Variants in SPINK5 observed in about 807,000 individuals in gnomAD.
SPINK5 encodes serine peptidase inhibitor Kazal type 5, also known as serine protease inhibitor Kazal-type 5.
SPINK5 carries 125 observed loss-of-function variants against 151.8 expected under a neutral mutation model. That is an observed-to-expected ratio of 0.82 (90% confidence interval 0.71 to 0.96). SPINK5 has a LOEUF of 0.96. Among genes scored for constraint, SPINK5 ranks in the 40% least tolerant of loss-of-function variants. The pLI is 0.00. For synonymous variants in SPINK5, 374 were observed against 395.3 expected, an observed-to-expected ratio of 0.95 and a Z score of 0.64; for missense variants, 1,194 against 1,291.9, an observed-to-expected ratio of 0.92 and a Z score of 1.16.
chr5:148,115,379 A>G (rs1224455922), intron 21 of SPINK5, among the ~76,000 whole-genome samples: 2 of 152,232 alleles, frequency 1.3e-5, no homozygotes, highest in Admixed American at 1.3e-4. Flanking sequence ...TTGTTCAGAT[A>G]GGACAGTAAG....
At position 148,125,734 on chromosome 5, in the gene SPINK5, T is replaced by A. The variant is rs760194387; in HGVS notation, c.2751T>A (p.Ser917Arg). The change falls in exon 29 of 33, where the codon AGT becomes AGA. Residue 917 changes from serine to arginine, a missense_variant. Coordinates refer to ENST00000256084, the MANE Select transcript of SPINK5 (RefSeq NM_006846.4). Reference sequence around the variant, plus strand: ...TTCTCATTTTCTAGGATGAGTGCAGTGAATTTCGAAACTATATAAGGAACA... The same window carrying A: ...TTCTCATTTTCTAGGATGAGTGCAGAGAATTTCGAAACTATATAAGGAACA... ...KPSNNAKDEC[S>R]EFRNYIRNNE... 1.2e-6 allele frequency: 2 copies of A among 1,614,136 alleles called. No homozygotes were observed. Among genetic ancestry groups the A allele is most frequent in the Admixed American group, 3.3e-5 (2 of 60,012 alleles).
chr5:148,111,735 A>G (rs752532374), intron 18 of SPINK5, 33 bp from the exon 19 acceptor site: 9 of 1,613,530 alleles, frequency 5.6e-6, no homozygotes, highest in Non-Finnish European at 7.6e-6. Context: ...TAGTTATTGG[A>G]CTCTTAAAAC....
chr5:148,064,919 G>A lies in SPINK5; in HGVS notation c.56-428G>A, dbSNP rs542727831. 3.9e-5 allele frequency among the ~76,000 whole-genome samples: 6 copies of A among 152,102 alleles called. No homozygotes were observed. The East Asian group carries it at 9.7e-4, about 24-fold the overall frequency. On this transcript the variant is annotated intron_variant, in intron 1 of 32. Transcript: ENST00000256084. ...CAGAATTCAGAAAATTAAATTTTAT[G>A]TATATATCCTATAAATGTAATGCTA...
chr5:148,088,427 T>G (rs1561681525), intron 5 of SPINK5, 115 bp from the exon 6 acceptor site: 3 of 838,602 alleles, frequency 3.6e-6, no homozygotes, highest in Non-Finnish European at 6.1e-6. Flanking sequence ...TAATACTATG[T>G]GGCAGCTGTT....
intron 22 of SPINK5, 34 bp downstream of exon 22, chr5:148,116,500 G>C (rs750211005): frequency 1.2e-6 from 2 of 1,601,248 alleles, no homozygotes; most frequent in African/African-American, 1.3e-5. Flanking sequence ...TAACTGGGGC[G>C]GGCTCAACTC....
At chr5:148,086,677 A>T (rs1753164531) in intron 5 of SPINK5, 145 bp downstream of exon 5, 1 of 1,020,654 alleles carries the variant, frequency 9.8e-7, no homozygotes, top group Admixed American at 2.4e-5. Context: ...TTCTTTTACT[A>T]CTCTTAAGAC....
rs1056880732 is a variant in SPINK5, at chr5:148,125,389, T to A, written c.2740-334T>A. The A allele has an allele frequency of 6.5e-6, 5 of 774,370 alleles. No individual in the cohort carries two copies. The African/African-American group carries it at 8.6e-5, about 13-fold the overall frequency. The allele number at this position is 774,370 out of a possible 1,614,324, so 48.0% of individuals were successfully genotyped here. A position where few individuals can be genotyped will look rare whatever the true frequency, so the allele number is the denominator to read the frequency against. ...AACAGTAACAATCACATTTGTAGAG[T>A]TAGATCCCTGAGCAATTGTCCTTTT... On this transcript the variant is annotated intron_variant, in intron 28 of 32. Transcript: ENST00000256084.
chr5:148,100,382 T>G, intron 12 of SPINK5, 72 bp from the exon 13 acceptor site: 1 of 1,480,798 alleles, frequency 6.8e-7, no homozygotes, highest in Non-Finnish European at 9.4e-7. Flanking sequence ...TTTCTGCCAA[T>G]GTAGATGTTT....
intron 4 of SPINK5, among the ~76,000 whole-genome samples, chr5:148,085,058 A>C (rs1223617074): frequency 1.3e-5 from 2 of 151,804 alleles, no homozygotes; most frequent in Non-Finnish European, 2.9e-5. Context: ...ATATGTAATA[A>C]ATTTTGTGGA....
Position 148,119,010 on chromosome 5 carries a change from T to C in SPINK5, c.2265T>C (p.Asn755=), listed in dbSNP as rs780560806. Residue 755 remains asparagine (N), a synonymous_variant, in exon 24 of 33, where the codon AAT becomes AAC. Coordinates refer to ENST00000256084, the MANE Select transcript of SPINK5 (RefSeq NM_006846.4). ...GGGAAAGAGAAGCAGAGAGAAAAAA[T>C]GAGTATTCTCGCTCCAGATCAAATG... ...AKLEREAERK[N]EYSRSRSNGT... is the part of the protein sequence containing the mutation. 40 of 1,613,806 alleles carry C rather than the reference T, an allele frequency of 2.5e-5. No individual in the cohort carries two copies. In the South Asian group the frequency reaches 4.2e-4, roughly 17 times the overall value.
At chr5:148,083,700 ATTGC>A (rs138516087) in intron 4 of SPINK5, among the ~76,000 whole-genome samples, 2,328 of 151,464 alleles carry the variant, frequency 0.015, 50 homozygotes, top group African/African-American at 0.054. Context: ...TAAAATTCTT[ATTGC>A]TTTTCTCTTT....
chr5:148,100,347 T>G (rs1368141582), intron 12 of SPINK5, 107 bp from the exon 13 acceptor site: 5 of 1,211,576 alleles, frequency 4.1e-6, no homozygotes, highest in Non-Finnish European at 6.0e-6. Context: ...ATTAAAATCC[T>G]CAGCTCAAAG....
chr5:148,120,612 T>C (rs1754231755), intron 26 of SPINK5, among the ~76,000 whole-genome samples: 1 of 152,116 alleles, frequency 6.6e-6, no homozygotes, highest in Non-Finnish European at 1.5e-5. Context: ...TGTCAAATTA[T>C]TGTAGTTAGC....
chr5:148,129,004 G>T (rs1434535743), intron 30 of SPINK5, among the ~76,000 whole-genome samples: 1 of 152,136 alleles, frequency 6.6e-6, no homozygotes, highest in Non-Finnish European at 1.5e-5. Context: ...AGATGGGGAG[G>T]GGAGGGGATA....
rs1424120678 is a variant in SPINK5, at chr5:148,120,097, A to G, written c.2402A>G (p.Lys801Arg). Residue 801 changes from lysine (K) to arginine (R), a missense_variant, in exon 25 of 33, where the codon AAG (lysine) becomes AGG (arginine). Lys to Arg is a conservative substitution (Grantham distance 26). Transcript: ENST00000256084. ...ESDPVRGPDGKTHGNKCTMCK... is the reference protein window; with the variant it reads ...ESDPVRGPDGRTHGNKCTMCK... Reference sequence around the variant, plus strand: ...GACCCTGTCCGGGGTCCAGATGGCAAGACACATGGCAATAAGTGTACTATG... The same window carrying G: ...GACCCTGTCCGGGGTCCAGATGGCAGGACACATGGCAATAAGTGTACTATG... 4 of 1,614,016 alleles carry G rather than the reference A, an allele frequency of 2.5e-6. No individual in the cohort carries two copies. The highest frequency in any genetic ancestry group is 3.4e-6 in the Non-Finnish European group (4 of 1,179,970).
chr5:148,125,609 G>A, intron 28 of SPINK5, 114 bp from the exon 29 acceptor site: 1 of 1,614,198 alleles, frequency 6.2e-7, no homozygotes, highest in Middle Eastern at 1.6e-4. Flanking sequence ...GCCAGGATGA[G>A]TACAGTGAGT....
intron 15 of SPINK5, among the ~76,000 whole-genome samples, chr5:148,104,465 G>C (rs540231793): frequency 6.6e-6 from 1 of 152,318 alleles, no homozygotes; most frequent in East Asian, 1.9e-4. Context: ...CCATTCTCTT[G>C]AGGTAGAGTG....
chr5:148,119,019 T>C lies in SPINK5; in HGVS notation c.2274T>C (p.Ser758=), dbSNP rs1429463265. Reference sequence around the variant, plus strand: ...AAGCAGAGAGAAAAAATGAGTATTCTCGCTCCAGATCAAATGGGACTGGAT... The same window carrying C: ...AAGCAGAGAGAAAAAATGAGTATTCCCGCTCCAGATCAAATGGGACTGGAT... ...EREAERKNEY[S]RSRSNGTGSE... is the part of the protein sequence containing the mutation. Residue 758 remains serine (S), a synonymous_variant, in exon 24 of 33, where the codon TCT becomes TCC. Transcript: ENST00000256084. 2 of 1,613,972 alleles carry C rather than the reference T, an allele frequency of 1.2e-6. No individual in the cohort carries two copies. The highest frequency in any genetic ancestry group is 1.3e-5 in the African/African-American group (1 of 74,930).
In SPINK5 at chr5:148,137,165, T is replaced by A; in HGVS notation, c.*174T>A. On this transcript the variant is annotated 3_prime_UTR_variant, in exon 33 of 33. Coordinates refer to ENST00000256084, the MANE Select transcript of SPINK5 (RefSeq NM_006846.4). ...TTTTCAGTCTTTTCCATCTCTTTCC[T>A]CCTAGACTCTGTGATCTGAGGGTAT... 1 of 808,074 alleles carries A rather than the reference T, an allele frequency of 1.2e-6. No individual in the cohort carries two copies. Among genetic ancestry groups the A allele is most frequent in the South Asian group, 1.6e-5 (1 of 62,430 alleles). 50.1% of individuals were successfully genotyped at this position (808,074 alleles called of 1,614,324 possible).
Sources: gnomAD v4.1 joint callset for allele counts (sites outside exome capture counted in the v4.1 genomes callset) on GRCh38, gnomAD v4.1.1 for gene constraint, MANE v1.5 for transcripts, NCBI Gene and HGNC (gene_info 2026-07-23, HGNC 2026-07-21) for gene names.